Variants in CNTN3 observed in about 807,000 individuals in gnomAD.
CNTN3 encodes contactin 3.
Under a neutral mutation model 119.1 loss-of-function variants are expected in CNTN3, and 60 were observed. The observed-to-expected ratio is 0.50, with a 90% CI of 0.41 to 0.62. The LOEUF (loss-of-function observed/expected upper bound fraction) is 0.62. Ranked by LOEUF, CNTN3 falls within the 20% of genes least tolerant of loss-of-function variation. CNTN3 has a pLI of 0.00. For synonymous variants in CNTN3, 450 were observed against 438.7 expected (o/e 1.03, Z -0.32); for missense variants, 1,101 against 1,242.4 (o/e 0.89, Z 1.71).
chr3:74,391,973 CT>C (rs1195210780), intron 5 of CNTN3, among the ~76,000 whole-genome samples: 1 of 152,000 alleles, frequency 6.6e-6, no homozygotes, highest in African/African-American at 2.4e-5. Context: ...CACTTAGAGT[CT>C]TAAGTAAGAC....
At chr3:74,426,511 T>A (rs1375514736) in intron 4 of CNTN3, among the ~76,000 whole-genome samples, 1 of 152,144 alleles carries the variant, frequency 6.6e-6, no homozygotes, top group Non-Finnish European at 1.5e-5. Context: ...TAGCAGTATA[T>A]CAGAGAGAAA....
intron 11 of CNTN3, among the ~76,000 whole-genome samples, chr3:74,348,341 T>C (rs1397084491): frequency 6.6e-6 from 1 of 152,196 alleles, no homozygotes; most frequent in Non-Finnish European, 1.5e-5. Context: ...CAAGTATACC[T>C]TACTAAAACT....
At chr3:74,408,534 A>T (rs1701379716) in intron 5 of CNTN3, among the ~76,000 whole-genome samples, 1 of 152,116 alleles carries the variant, frequency 6.6e-6, no homozygotes, top group Non-Finnish European at 1.5e-5. Context: ...TGAGGCCTAA[A>T]ACTGGCTTGC....
chr3:74,446,078 A>T (rs927091585), intron 4 of CNTN3, among the ~76,000 whole-genome samples: 13 of 152,240 alleles, frequency 8.5e-5, no homozygotes, highest in Middle Eastern at 3.4e-3. Context: ...TATTACATTC[A>T]TTCTTCTGGC....
At chr3:74,414,663 C>T (rs901173594) in intron 5 of CNTN3, among the ~76,000 whole-genome samples, 2 of 152,110 alleles carry the variant, frequency 1.3e-5, no homozygotes, top group African/African-American at 4.8e-5. Flanking sequence ...TGCCCTATGA[C>T]CAAAAACACT....
rs968064059 is a variant in CNTN3, at chr3:74,273,538, C to A, written c.2705-6160G>T. On this transcript the variant is annotated intron_variant, in intron 20 of 22. Transcript: ENST00000263665. ...GTCCTCCACCCCCAAACACATACCC[C>A]CACTGGGGAAACTGAAGGTCTAATT... 3.3e-5 allele frequency among the ~76,000 whole-genome samples: 5 copies of A among 152,288 alleles called. No homozygotes were observed. The East Asian group carries it at 7.7e-4, about 24-fold the overall frequency.
At chr3:74,588,841 A>G (rs1211035623) in intron 1 of CNTN3, among the ~76,000 whole-genome samples, 1 of 152,198 alleles carries the variant, frequency 6.6e-6, no homozygotes, top group African/African-American at 2.4e-5. Flanking sequence ...ATCTGAGAAA[A>G]ACAAGCAATG....
chr3:74,445,272 G>GTT (rs940791342), intron 4 of CNTN3, among the ~76,000 whole-genome samples: 2 of 150,982 alleles, frequency 1.3e-5, no homozygotes, highest in Non-Finnish European at 3.0e-5. Context: ...TTTGTTTTTG[G>GTT]TTTTTTTTTA....
intron 13 of CNTN3, among the ~76,000 whole-genome samples, chr3:74,312,511 C>A (rs1234526206): frequency 1.4e-5 from 2 of 143,780 alleles, no homozygotes; most frequent in South Asian, 2.4e-4. Context: ...ACAGCCTAAT[C>A]TGCTGGGGTT....
intron 5 of CNTN3, among the ~76,000 whole-genome samples, chr3:74,402,636 C>T (rs570652745): frequency 2.6e-5 from 4 of 152,158 alleles, no homozygotes; most frequent in Admixed American, 2.0e-4. Flanking sequence ...TTTAGCAAAG[C>T]CCTAATTTTT....
intron 5 of CNTN3, among the ~76,000 whole-genome samples, chr3:74,404,081 C>A (rs1462814498): frequency 1.3e-5 from 2 of 152,106 alleles, no homozygotes; most frequent in East Asian, 3.9e-4. Context: ...CATCATAAAC[C>A]ATTTCTGATT....
At chr3:74,312,613 CTGG>C (rs1262490459) in intron 13 of CNTN3, among the ~76,000 whole-genome samples, 2 of 152,024 alleles carry the variant, frequency 1.3e-5, no homozygotes, top group African/African-American at 4.8e-5. Context: ...CTGAGAAGCA[CTGG>C]TGAAGTTCAC....
intron 5 of CNTN3, among the ~76,000 whole-genome samples, chr3:74,382,080 C>A (rs751707999): frequency 6.6e-6 from 1 of 151,880 alleles, no homozygotes; most frequent in African/African-American, 2.4e-5. Flanking sequence ...TGGTGGCACA[C>A]GCCTGTAATC....
chr3:74,303,849 C>T (rs1004531045), intron 13 of CNTN3, among the ~76,000 whole-genome samples: 6 of 152,176 alleles, frequency 3.9e-5, no homozygotes, highest in African/African-American at 1.4e-4. Flanking sequence ...AATAAAATGA[C>T]TAACTGCAAG....
chr3:74,494,232 A>G (rs1703017877), intron 3 of CNTN3, among the ~76,000 whole-genome samples: 1 of 151,966 alleles, frequency 6.6e-6, no homozygotes. Context: ...ATGTGACCCA[A>G]CTGATTTAGC....
chr3:74,568,467 T>C (rs772401431), intron 1 of CNTN3, among the ~76,000 whole-genome samples: 3 of 152,202 alleles, frequency 2.0e-5, no homozygotes, highest in Non-Finnish European at 4.4e-5. Context: ...GCCTACTCCA[T>C]GCTTCTCTCT....
intron 1 of CNTN3, among the ~76,000 whole-genome samples, chr3:74,551,911 A>C (rs1703997923): frequency 6.6e-6 from 1 of 151,182 alleles, no homozygotes; most frequent in African/African-American, 2.4e-5. Context: ...TTACAGGCAC[A>C]TGTCACCACA....
intron 22 of CNTN3, among the ~76,000 whole-genome samples, chr3:74,265,577 T>G (rs2106738385): frequency 6.6e-6 from 1 of 152,298 alleles, no homozygotes; most frequent in Admixed American, 6.5e-5. Context: ...GTTCCTGTTT[T>G]CTTAGTGTAG....
chr3:74,401,531 C>G (rs1705194395), intron 5 of CNTN3, among the ~76,000 whole-genome samples: 2 of 151,864 alleles, frequency 1.3e-5, no homozygotes, highest in Non-Finnish European at 1.5e-5. Context: ...CACACACACA[C>G]AGAGTTGTCT....
Sources: gnomAD v4.1 joint callset for allele counts (sites outside exome capture counted in the v4.1 genomes callset) on GRCh38, gnomAD v4.1.1 for gene constraint, MANE v1.5 for transcripts, NCBI Gene and HGNC (gene_info 2026-07-23, HGNC 2026-07-21) for gene names.